ADAM9: variants seen among roughly 807,000 people sequenced by gnomAD.
ADAM9 encodes disintegrin and metalloproteinase domain-containing protein 9.
In ADAM9, 54 loss-of-function variants were observed where a neutral mutation model predicts 108.1. That is an observed-to-expected ratio of 0.50 (90% CI 0.40 to 0.63). The LOEUF (loss-of-function observed/expected upper bound fraction) is 0.63, where lower values mean the gene tolerates loss of function less well. ADAM9 is among the 20% of genes least tolerant of loss of function. The probability of loss-of-function intolerance (pLI) is 0.00; values close to 1 mark genes in which losing one functional copy is unlikely to be tolerated. For missense variants in ADAM9, 830 were observed against 997.7 expected (o/e 0.83, Z 2.26); for synonymous variants, 316 against 336.0 (o/e 0.94, Z 0.65).
At chr8:39,071,465 CTTTT>C (rs34398586) in intron 15 of ADAM9, 62 bp downstream of exon 15, 3,392 of 584,282 alleles carry the variant, frequency 5.8e-3, no homozygotes, top group East Asian at 9.9e-3. Flanking sequence ...TCTCTAGTAT[CTTTT>C]TTTTTTTTTT....
chr8:39,095,272 C>T (rs1839467646), intron 20 of ADAM9, among the ~76,000 whole-genome samples: 1 of 152,122 alleles, frequency 6.6e-6, no homozygotes, highest in Admixed American at 6.5e-5. Flanking sequence ...GTCATGAATA[C>T]TGTATTTTCA....
chr8:39,040,216 A>T (rs1311694769), intron 11 of ADAM9, among the ~76,000 whole-genome samples: 1 of 151,950 alleles, frequency 6.6e-6, no homozygotes, highest in African/African-American at 2.4e-5. Context: ...CACCTGGCTA[A>T]TTTTTGTATT....
At chr8:39,002,573 G>A (rs1010298585) in intron 1 of ADAM9, among the ~76,000 whole-genome samples, 1 of 151,634 alleles carries the variant, frequency 6.6e-6, no homozygotes, top group Non-Finnish European at 1.5e-5. Context: ...CGCCTGCCTC[G>A]GCCTCCCAAA....
chr8:39,001,070 A>G (rs1212732785), intron 1 of ADAM9, among the ~76,000 whole-genome samples: 1 of 152,182 alleles, frequency 6.6e-6, no homozygotes, highest in Non-Finnish European at 1.5e-5. Flanking sequence ...TCATATGAGT[A>G]GACCCCAGGA....
chr8:39,103,074 T>C (rs2129443671), intron 21 of ADAM9, among the ~76,000 whole-genome samples: 1 of 152,306 alleles, frequency 6.6e-6, no homozygotes, highest in East Asian at 1.9e-4. Context: ...GTTCTAGTGT[T>C]ACTGGAGTAG....
rs147037366 is a variant in ADAM9, at chr8:39,051,340, T to G, written c.1303-3141T>G. On this transcript the variant is annotated intron_variant, in intron 12 of 21. Transcript: ENST00000487273. ...AGGATCTCCAGTTTTCCTACTGGTT[T>G]CAGTGTGGCTGGTTTTACAATTGCC... Among the ~76,000 whole-genome samples the G allele has an allele frequency of 8.5e-5, 13 of 152,328 alleles. No individual in the cohort carries two copies. The East Asian group carries it at 2.5e-3, about 29-fold the overall frequency.
At position 38,997,072 on chromosome 8, in the gene ADAM9, T is replaced by C; in HGVS notation, c.9T>C (p.Ser3=). 2.5e-6 allele frequency: 4 copies of C among 1,606,936 alleles called. No homozygotes were observed. Among genetic ancestry groups the C allele is most frequent in the Non-Finnish European group, 3.4e-6 (4 of 1,179,400 alleles). The change falls in exon 1 of 22, where the codon TCT becomes TCC. Residue 3 remains serine, a synonymous_variant. Transcript: ENST00000487273. MG[S]GARFPSGTLR... is the part of the protein sequence containing the mutation. ...CTGCGGAATCGGCCGAGATGGGGTCTGGCGCGCGCTTTCCCTCGGGGACCC... is the reference window on the plus strand; with the variant it reads ...CTGCGGAATCGGCCGAGATGGGGTCCGGCGCGCGCTTTCCCTCGGGGACCC...
chr8:39,086,517 A>T (rs554964800), intron 18 of ADAM9, among the ~76,000 whole-genome samples: 1 of 152,172 alleles, frequency 6.6e-6, no homozygotes, highest in African/African-American at 2.4e-5. Context: ...TCTACATAAG[A>T]TGCTCAATCT....
At position 39,082,437 on chromosome 8, in the gene ADAM9, G is replaced by GT. The variant is rs535724165; in HGVS notation, c.1882-198dup. On this transcript the variant is annotated intron_variant, in intron 16 of 21. Coordinates refer to ENST00000487273, the MANE Select transcript of ADAM9 (RefSeq NM_003816.3). ...TTTTTGGTCTTTATGTCATCTTTGTGTTTTTTGATAATTAATTTTGTATCA... is the reference window on the plus strand; with the variant it reads ...TTTTTGGTCTTTATGTCATCTTTGTGTTTTTTTGATAATTAATTTTGTATCA... 4.9e-4 allele frequency among the ~76,000 whole-genome samples: 75 copies of GT among 152,042 alleles called. No individual in the cohort carries two copies. In the East Asian group the frequency reaches 0.013, roughly 25 times the overall value.
chr8:39,023,209 C>G lies in ADAM9; in HGVS notation c.798C>G (p.Thr266=), dbSNP rs190620963. The G allele has an allele frequency of 4.5e-5, 72 of 1,613,582 alleles. No homozygotes were observed. The East Asian group carries it at 1.6e-3, about 35-fold the overall frequency. ...TGCTAGTTGGACTGGAGATTTGGAC[C>G]AATGGAAACCTGATCAACATAGTTG... is the stretch of plus-strand genomic sequence containing the variant. ...RIVLVGLEIW[T]NGNLINIVGG... The change falls in exon 9 of 22, where the codon ACC becomes ACG. Residue 266 remains threonine, a synonymous_variant. Transcript: ENST00000487273.
Position 39,009,737 on chromosome 8 carries a change from A to G in ADAM9, c.195+1754A>G, listed in dbSNP as rs182405304. On this transcript the variant is annotated intron_variant, in intron 2 of 21. Transcript: ENST00000487273. Reference sequence around the variant, plus strand: ...TTGAACTGGATTTTGCTCATTCAACAGTGAATGTAATTAACTCGTTAAAAA... The same window carrying G: ...TTGAACTGGATTTTGCTCATTCAACGGTGAATGTAATTAACTCGTTAAAAA... Among the ~76,000 whole-genome samples, 30 of 152,338 alleles carry G rather than the reference A, an allele frequency of 2.0e-4. No homozygotes were observed. In the East Asian group the frequency reaches 4.6e-3, roughly 23 times the overall value.
chr8:39,046,174 G>A (rs1348238883), intron 12 of ADAM9, among the ~76,000 whole-genome samples: 1 of 151,940 alleles, frequency 6.6e-6, no homozygotes, highest in East Asian at 1.9e-4. Context: ...TTTTTAGTGT[G>A]TGATCTTTTT....
In ADAM9 at chr8:39,035,207, ATT is replaced by A. The variant is rs1162186770; in HGVS notation, c.1131-6736_1131-6735del. Among the ~76,000 whole-genome samples the A allele has an allele frequency of 2.0e-5, 3 of 151,674 alleles. No homozygotes were observed. The East Asian group carries it at 5.8e-4, about 29-fold the overall frequency. On this transcript the variant is annotated intron_variant, in intron 11 of 21. Transcript: ENST00000487273. ...GCTCACTGATTCTGTCTTCATATGT[ATT>A]TTGTCTGTTGTTAAACTTATCCATT...
intron 14 of ADAM9, among the ~76,000 whole-genome samples, chr8:39,060,049 G>C (rs1838249771): frequency 6.6e-6 from 1 of 152,220 alleles, no homozygotes; most frequent in South Asian, 2.1e-4. Context: ...ATAGCTTGGT[G>C]AGTCAGATGA....
At chr8:39,013,893 A>ATTTTAT in intron 3 of ADAM9, 72 bp from the exon 4 acceptor site, 4 of 1,167,830 alleles carry the variant, frequency 3.4e-6, no homozygotes, top group Non-Finnish European at 5.2e-6. Context: ...TCTAGGAATA[A>ATTTTAT]TGCCTTATGA....
At chr8:39,015,950 G>T (rs760547080) in intron 4 of ADAM9, 168 bp from the exon 5 acceptor site, 22 of 649,150 alleles carry the variant, frequency 3.4e-5, no homozygotes, top group Non-Finnish European at 5.6e-5. Context: ...ATAGTCCGCA[G>T]ATGGTCTAAA....
chr8:39,065,196 A>G (rs538282393), intron 14 of ADAM9, among the ~76,000 whole-genome samples: 3 of 139,846 alleles, frequency 2.1e-5, no homozygotes, highest in Non-Finnish European at 4.6e-5. Flanking sequence ...CTGTCTTTTT[A>G]TCTGTGTTTT....
rs1029253898 is a variant in ADAM9 at position 39,011,637 on chromosome 8, T to C, written c.196-21T>C. 6 of 1,598,424 alleles carry C rather than the reference T, an allele frequency of 3.8e-6. No individual in the cohort carries two copies. In the Admixed American group the frequency reaches 1.0e-4, roughly 27 times the overall value. ...AATTTTTAAGATGATGTTTTATTCT[T>C]TTCCCCTTCTGTGCATTTAGGTATC... On this transcript the variant is annotated intron_variant, in intron 2 of 21. Coordinates refer to ENST00000487273, the MANE Select transcript of ADAM9 (RefSeq NM_003816.3).
rs781504873 is a variant in ADAM9, at chr8:39,026,780, C to G, written c.1100C>G (p.Ala367Gly). The G allele has an allele frequency of 3.1e-6, 5 of 1,613,864 alleles. No individual in the cohort carries two copies. The East Asian group carries it at 1.1e-4, about 36-fold the overall frequency. The change falls in exon 11 of 22, where the codon GCA becomes GGA. Residue 367 changes from alanine (A) to glycine (G), a missense_variant. Physicochemically the swap from Ala to Gly is moderately conservative, Grantham distance 60. Around this residue, in one of 3 missense-constraint regions of ADAM9, gnomAD observed 381 missense variants for 539.8 expected, o/e 0.71. Coordinates refer to ENST00000487273, the MANE Select transcript of ADAM9 (RefSeq NM_003816.3). The stretch of plus-strand genomic sequence containing the variant: ...GATGGGAGAGATTGTTCCTGTGGAG[C>G]AAAGAGCTGCATCATGAATTCAGGA... The part of the protein sequence containing the change: ...HDDGRDCSCG[A>G]KSCIMNSGAS...
Sources: gnomAD v4.1 joint callset for allele counts (sites outside exome capture counted in the v4.1 genomes callset) on GRCh38, gnomAD v4.1.1 for gene constraint, gnomAD v4.1.1 regional missense constraint, MANE v1.5 for transcripts, NCBI Gene and HGNC (gene_info 2026-07-23, HGNC 2026-07-21) for gene names.